The following DEPTOR variants were observed in gnomAD, a reference collection of about 807,000 sequenced individuals.
DEPTOR encodes the protein DEP domain containing MTOR interacting protein, also known as DEP domain-containing mTOR-interacting protein.
DEPTOR carries 41 observed loss-of-function variants against 41.6 expected under a neutral mutation model. The observed-to-expected ratio is 0.98, with a 90% CI of 0.77 to 1.28. DEPTOR has a LOEUF of 1.28. DEPTOR is among the 50% of genes most tolerant of loss of function. DEPTOR has a pLI of 0.00. For missense variants in DEPTOR, 514 were observed against 527.9 expected (o/e 0.97, Z 0.26); for synonymous variants, 195 against 192.3 (o/e 1.01, Z -0.12).
At chr8:119,998,652 A>G (rs1435135818) in intron 4 of DEPTOR, among the ~76,000 whole-genome samples, 1 of 152,214 alleles carries the variant, frequency 6.6e-6, no homozygotes, top group East Asian at 1.9e-4. Flanking sequence ...ATGAACTCAA[A>G]GTATAAAATT....
Position 120,003,072 on chromosome 8 carries a change from C to G in DEPTOR, c.886C>G (p.Leu296Val), listed in dbSNP as rs368218011. The G allele has an allele frequency of 6.2e-7, 1 of 1,613,088 alleles. No individual in the cohort carries two copies. Among genetic ancestry groups the G allele is most frequent in the Admixed American group, 1.7e-5 (1 of 59,930 alleles). The change falls in exon 6 of 9, where the codon CTC becomes GTC. Residue 296 changes from leucine (L) to valine (V), a missense_variant. Leu to Val is a conservative substitution (Grantham distance 32). Transcript: ENST00000286234. ...SSGYFSSSPTLSSSPPVLCNP... is the reference protein window; with the variant it reads ...SSGYFSSSPTVSSSPPVLCNP... ...CGGCTACTTCAGCAGCAGCCCCACC[C>G]TCAGCAGCAGCCCCCCTGTGCTCTG...
At chr8:120,021,135 G>A (rs942257177) in intron 8 of DEPTOR, among the ~76,000 whole-genome samples, 7 of 49,982 alleles carry the variant, frequency 1.4e-4, no homozygotes, top group East Asian at 8.2e-4. Flanking sequence ...GGCCAGGTGC[G>A]GTGGCTCACA....
intron 8 of DEPTOR, among the ~76,000 whole-genome samples, chr8:120,043,999 G>A (rs778706747): frequency 8.0e-5 from 12 of 150,920 alleles, no homozygotes; most frequent in East Asian, 2.0e-4. Context: ...GGGACAGCGC[G>A]AGACTCTGTC....
intron 1 of DEPTOR, among the ~76,000 whole-genome samples, chr8:119,901,693 A>G (rs974559130): frequency 1.3e-5 from 2 of 151,290 alleles, no homozygotes; most frequent in South Asian, 4.2e-4. Flanking sequence ...AAAAAAAAAA[A>G]AGAACGAAAG....
At chr8:119,887,135 C>CCCCCCCCCCCCT (rs1827376549) in intron 1 of DEPTOR, among the ~76,000 whole-genome samples, 2 of 25,990 alleles carry the variant, frequency 7.7e-5, no homozygotes, top group Non-Finnish European at 1.3e-4. Flanking sequence ...CCTCCCCCCC[C>CCCCCCCCCCCCT]CCTCCCCTCC....
chr8:119,913,893 C>T (rs865894787), intron 1 of DEPTOR, among the ~76,000 whole-genome samples: 17 of 152,278 alleles, frequency 1.1e-4, no homozygotes, highest in African/African-American at 3.9e-4. Context: ...CTAGCGTCAC[C>T]TCTGTGCATC....
intron 3 of DEPTOR, among the ~76,000 whole-genome samples, chr8:119,953,548 G>A (rs1228599566): frequency 1.3e-5 from 2 of 149,646 alleles, no homozygotes; most frequent in African/African-American, 4.9e-5. Flanking sequence ...CCAAGATTGT[G>A]CCACTGCACT....
chr8:119,956,738 T>G (rs1050713927), intron 3 of DEPTOR, among the ~76,000 whole-genome samples: 105 of 110,940 alleles, frequency 9.5e-4, no homozygotes, highest in African/African-American at 3.4e-3. Context: ...TTTTTTTTTT[T>G]TGTTTTTTTT....
chr8:119,928,780 C>T (rs1348663114), intron 2 of DEPTOR, among the ~76,000 whole-genome samples: 5 of 143,172 alleles, frequency 3.5e-5, no homozygotes, highest in East Asian at 2.0e-4. Context: ...TAGTAGAGAC[C>T]GGGTTTCACC....
At chr8:120,018,124 T>G (rs1025295456) in intron 8 of DEPTOR, among the ~76,000 whole-genome samples, 1 of 152,338 alleles carries the variant, frequency 6.6e-6, no homozygotes, top group East Asian at 1.9e-4. Flanking sequence ...TCATGGAATT[T>G]TCCCCCTGAA....
At chr8:119,890,734 C>T (rs1466758239) in intron 1 of DEPTOR, among the ~76,000 whole-genome samples, 1 of 152,128 alleles carries the variant, frequency 6.6e-6, no homozygotes, top group Non-Finnish European at 1.5e-5. Context: ...ATTTTATTAT[C>T]TCCATTTTAA....
At chr8:119,962,452 G>A (rs933517996) in intron 3 of DEPTOR, among the ~76,000 whole-genome samples, 4 of 152,104 alleles carry the variant, frequency 2.6e-5, no homozygotes, top group Non-Finnish European at 5.9e-5. Flanking sequence ...GGGAGGGTGT[G>A]GTGGGGAGAA....
intron 4 of DEPTOR, among the ~76,000 whole-genome samples, chr8:119,968,550 C>T (rs1828593167): frequency 1.3e-5 from 2 of 152,248 alleles, no homozygotes; most frequent in South Asian, 4.1e-4. Context: ...GATGCGCCTG[C>T]CCCGGTCTCC....
intron 1 of DEPTOR, among the ~76,000 whole-genome samples, chr8:119,920,760 T>C (rs1827879608): frequency 6.6e-6 from 1 of 152,146 alleles, no homozygotes; most frequent in Admixed American, 6.5e-5. Flanking sequence ...CTCAGCCCCC[T>C]GAGGGGATTG....
rs35570467 is a variant in DEPTOR, at chr8:120,008,527, C to CAAAAAA, written c.997-489_997-484dup. Among the ~76,000 whole-genome samples, 188 of 99,440 alleles carry CAAAAAA rather than the reference C, an allele frequency of 1.9e-3. 10 individuals are homozygous for CAAAAAA. Among genetic ancestry groups the CAAAAAA allele is most frequent in the East Asian group, 0.011 (31 of 2,948 alleles). The allele number at this position is 99,440 out of a possible 152,430, so 65.2% of individuals were successfully genotyped here. On this transcript the variant is annotated intron_variant, in intron 7 of 8. Transcript: ENST00000286234. ...TGGGTGACAGAGCAAGACTCTGTCT[C>CAAAAAA]AAAAAAAAAAAAAAAAAAGCCAGGT...
chr8:120,038,117 A>C (rs539914397), intron 8 of DEPTOR, among the ~76,000 whole-genome samples: 1 of 150,566 alleles, frequency 6.6e-6, no homozygotes, highest in Non-Finnish European at 1.5e-5. Flanking sequence ...AAACACAAAA[A>C]AATTAGCCAG....
intron 3 of DEPTOR, among the ~76,000 whole-genome samples, chr8:119,934,645 C>A (rs1828086964): frequency 6.6e-6 from 1 of 152,218 alleles, no homozygotes; most frequent in South Asian, 2.1e-4. Flanking sequence ...TTGACATGGA[C>A]TGAGAGCCTA....
At chr8:119,980,157 T>C (rs977984331) in intron 4 of DEPTOR, among the ~76,000 whole-genome samples, 1 of 136,400 alleles carries the variant, frequency 7.3e-6, no homozygotes, top group Non-Finnish European at 1.6e-5. Context: ...CTAGTAGAAA[T>C]AGCAAAAAAA....
At chr8:120,036,380 A>G (rs1812979749) in intron 8 of DEPTOR, among the ~76,000 whole-genome samples, 1 of 152,200 alleles carries the variant, frequency 6.6e-6, no homozygotes, top group Non-Finnish European at 1.5e-5. Context: ...GCCCTATAGC[A>G]TGCTTAAAAT....
Sources: gnomAD v4.1 joint callset for allele counts (sites outside exome capture counted in the v4.1 genomes callset) on GRCh38, gnomAD v4.1.1 for gene constraint, MANE v1.5 for transcripts, NCBI Gene and HGNC (gene_info 2026-07-23, HGNC 2026-07-21) for gene names.